GRM7: variants seen among roughly 807,000 people sequenced by gnomAD.
GRM7 encodes glutamate metabotropic receptor 7.
Under a neutral mutation model 84.5 loss-of-function variants are expected in GRM7, and 35 were observed. The observed-to-expected ratio is 0.41, with a 90% CI of 0.32 to 0.55. GRM7 has a LOEUF of 0.55. Ranked by LOEUF, GRM7 falls within the 20% of genes least tolerant of loss-of-function variation. The pLI, the probability that GRM7 is intolerant of heterozygous loss-of-function variation, is 0.19. For synonymous variants in GRM7, 487 were observed against 455.1 expected (o/e 1.07, Z -0.89); for missense variants, 1,003 against 1,194.6 (o/e 0.84, Z 2.36).
intron 1 of GRM7, among the ~76,000 whole-genome samples, chr3:7,136,239 G>A (rs1280189904): frequency 2.0e-5 from 3 of 150,768 alleles, no homozygotes; most frequent in East Asian, 1.9e-4. Flanking sequence ...AGTAAAATGA[G>A]GACCCAAGAC....
chr3:7,458,445 T>C (rs1698108986), intron 6 of GRM7, among the ~76,000 whole-genome samples: 1 of 152,180 alleles, frequency 6.6e-6, no homozygotes, highest in African/African-American at 2.4e-5. Flanking sequence ...AAAAAGGAGA[T>C]GTGGGGATTA....
intron 9 of GRM7, among the ~76,000 whole-genome samples, chr3:7,715,219 G>C (rs1701731466): frequency 6.6e-6 from 1 of 152,130 alleles, no homozygotes; most frequent in South Asian, 2.1e-4. Flanking sequence ...CAATACTTCA[G>C]GGGGGCAAGG....
chr3:7,090,909 G>C (rs1698640327), intron 1 of GRM7, among the ~76,000 whole-genome samples: 1 of 152,056 alleles, frequency 6.6e-6, no homozygotes, highest in Admixed American at 6.6e-5. Flanking sequence ...TTCTATTGCA[G>C]AGCTTTTTAA....
At chr3:6,989,783 C>T (rs537200442) in intron 1 of GRM7, among the ~76,000 whole-genome samples, 1 of 152,332 alleles carries the variant, frequency 6.6e-6, no homozygotes, top group Non-Finnish European at 1.5e-5. Context: ...CAGTATGAAT[C>T]ATCAGTGTAA....
chr3:7,122,928 G>A (rs546989519), intron 1 of GRM7, among the ~76,000 whole-genome samples: 124 of 98,000 alleles, frequency 1.3e-3, no homozygotes, highest in Middle Eastern at 4.8e-3. Flanking sequence ...ATCAGGGTGG[G>A]AACAACCTGC....
chr3:7,676,408 T>G (rs1000258366), intron 8 of GRM7, among the ~76,000 whole-genome samples: 6 of 152,222 alleles, frequency 3.9e-5, no homozygotes, highest in Non-Finnish European at 7.3e-5. Context: ...AATGACATTT[T>G]GATAAACAGA....
At chr3:7,717,738 C>T (rs1209572022) in intron 9 of GRM7, among the ~76,000 whole-genome samples, 2 of 152,118 alleles carry the variant, frequency 1.3e-5, no homozygotes, top group African/African-American at 2.4e-5. Context: ...AGATTCTATG[C>T]CCCAGTATGA....
intron 5 of GRM7, among the ~76,000 whole-genome samples, chr3:7,449,497 A>G (rs900665646): frequency 6.6e-6 from 1 of 152,184 alleles, no homozygotes; most frequent in African/African-American, 2.4e-5. Context: ...GAAGAAATAA[A>G]TTATTCAGAA....
At chr3:7,420,862 C>T (rs1444101500) in intron 5 of GRM7, among the ~76,000 whole-genome samples, 1 of 152,080 alleles carries the variant, frequency 6.6e-6, no homozygotes, top group Non-Finnish European at 1.5e-5. Flanking sequence ...GGTAAGTTTG[C>T]TAATAACATT....
At chr3:7,198,607 G>T (rs902458326) in intron 2 of GRM7, among the ~76,000 whole-genome samples, 1 of 152,126 alleles carries the variant, frequency 6.6e-6, no homozygotes, top group South Asian at 2.1e-4. Context: ...TCTTAAACAT[G>T]CTCAGAACAC....
intron 1 of GRM7, among the ~76,000 whole-genome samples, chr3:7,051,846 T>C (rs10510347): frequency 0.081 from 12,299 of 151,860 alleles, 613 homozygotes; most frequent in African/African-American, 0.15. Context: ...GAAGCTGACC[T>C]GGTAGATCAA....
intron 1 of GRM7, among the ~76,000 whole-genome samples, chr3:6,891,203 C>T (rs1695926753): frequency 6.6e-6 from 1 of 152,098 alleles, no homozygotes; most frequent in Admixed American, 6.6e-5. Context: ...CAGTCTGTGT[C>T]TTTTAATTGG....
At chr3:7,377,055 A>T (rs1694382182) in intron 4 of GRM7, among the ~76,000 whole-genome samples, 1 of 152,244 alleles carries the variant, frequency 6.6e-6, no homozygotes, top group Non-Finnish European at 1.5e-5. Context: ...AGAAAGTAAG[A>T]AAAAAATCAA....
At chr3:7,470,139 C>T (rs946952911) in intron 7 of GRM7, among the ~76,000 whole-genome samples, 2 of 152,142 alleles carry the variant, frequency 1.3e-5, no homozygotes, top group African/African-American at 4.8e-5. Flanking sequence ...CCCCCTAACT[C>T]CCACTAGCAT....
chr3:7,637,146 T>A (rs1698134220), intron 8 of GRM7, among the ~76,000 whole-genome samples: 1 of 152,190 alleles, frequency 6.6e-6, no homozygotes, highest in African/African-American at 2.4e-5. Flanking sequence ...ATTTTTTATT[T>A]ACTTATTTAA....
At chr3:7,011,610 A>G (rs1695370868) in intron 1 of GRM7, among the ~76,000 whole-genome samples, 1 of 152,218 alleles carries the variant, frequency 6.6e-6, no homozygotes, top group East Asian at 1.9e-4. Flanking sequence ...ACTCAATGCC[A>G]GTGGTTTTAG....
chr3:7,625,551 C>T (rs1468509883), intron 8 of GRM7, among the ~76,000 whole-genome samples: 1 of 152,076 alleles, frequency 6.6e-6, no homozygotes, highest in East Asian at 1.9e-4. Flanking sequence ...CATCTGTAAT[C>T]CTAGCTACGT....
At chr3:7,318,731 CCTT>C (rs1008878981) in intron 4 of GRM7, among the ~76,000 whole-genome samples, 13 of 151,960 alleles carry the variant, frequency 8.6e-5, no homozygotes, top group Admixed American at 6.6e-5. Context: ...GTTAAAATGA[CCTT>C]CTTCTAACTT....
intron 8 of GRM7, among the ~76,000 whole-genome samples, chr3:7,593,659 G>A (rs1383597893): frequency 6.6e-6 from 1 of 152,120 alleles, no homozygotes; most frequent in Admixed American, 6.6e-5. Context: ...GAGTGTGAGT[G>A]GCGTGAGAAA....
Sources: gnomAD v4.1 joint callset for allele counts (sites outside exome capture counted in the v4.1 genomes callset) on GRCh38, gnomAD v4.1.1 for gene constraint, MANE v1.5 for transcripts, NCBI Gene and HGNC (gene_info 2026-07-23, HGNC 2026-07-21) for gene names.